PCGF5: variants seen among roughly 807,000 people sequenced by gnomAD.
PCGF5 encodes polycomb group RING finger protein 5.
PCGF5 carries 9 observed loss-of-function variants against 44.3 expected under a neutral mutation model. The observed-to-expected ratio is 0.20, with a 90% CI of 0.12 to 0.35. The LOEUF is 0.35. Ranked by LOEUF, PCGF5 falls within the 10% of genes least tolerant of loss-of-function variation. The pLI is 1.00. For missense variants in PCGF5, 146 were observed against 305.3 expected (o/e 0.48, Z 3.89); for synonymous variants, 95 against 102.5 (o/e 0.93, Z 0.44).
rs970807676 is a variant in PCGF5, at chr10:91,173,881, C to A, written c.-184+10800C>A. 1.3e-5 allele frequency among the ~76,000 whole-genome samples: 2 copies of A among 151,870 alleles called. 1 individual carries two copies. The highest frequency in any genetic ancestry group is 4.2e-4 in the South Asian group (2 of 4,812). Reference sequence around the variant, plus strand: ...GATACTCATATGTCAGAAAAGTCCTCATGCTTGATTATTTGTTAAAAGTTC... The same window carrying A: ...GATACTCATATGTCAGAAAAGTCCTAATGCTTGATTATTTGTTAAAAGTTC... On this transcript the variant is annotated intron_variant, in intron 1 of 9. Transcript: ENST00000614189.
rs140935489 is a variant in PCGF5 at position 91,263,442 on chromosome 10, C to CA, written c.574-987dup. Among the ~76,000 whole-genome samples the CA allele has an allele frequency of 3.2e-3, 490 of 152,220 alleles. 14 individuals carry two copies. The East Asian group carries it at 0.064, about 20-fold the overall frequency. ...ATAATTTTGCTTCACATGTCTAATA[C>CA]AATTAACTGAAACTATACTCATCTT... On this transcript the variant is annotated intron_variant, in intron 7 of 9. Coordinates refer to ENST00000336126, the MANE Select transcript of PCGF5 (RefSeq NM_032373.5).
chr10:91,168,055 T>G (rs1032371306), intron 1 of PCGF5, among the ~76,000 whole-genome samples: 1 of 152,150 alleles, frequency 6.6e-6, no homozygotes, highest in Non-Finnish European at 1.5e-5. Flanking sequence ...TTTGTCTAAT[T>G]AATGGAGGTG....
At chr10:91,193,374 G>T (rs1207437726) in intron 1 of PCGF5, among the ~76,000 whole-genome samples, 1 of 140,250 alleles carries the variant, frequency 7.1e-6, no homozygotes, top group Non-Finnish European at 1.5e-5. Flanking sequence ...TGCTAAGTGG[G>T]TATTGTTTTT....
chr10:91,158,828 A>G (rs986523000), upstream of PCGF5, among the ~76,000 whole-genome samples: 3 of 152,222 alleles, frequency 2.0e-5, no homozygotes, highest in African/African-American at 7.2e-5. Context: ...GATAATTTGA[A>G]TATCTTTAAC....
chr10:91,221,501 G>A (rs1336006949), intron 1 of PCGF5, among the ~76,000 whole-genome samples: 2 of 152,174 alleles, frequency 1.3e-5, no homozygotes, highest in East Asian at 3.8e-4. Flanking sequence ...TTACACGCAC[G>A]AATACGGTTT....
intron 2 of PCGF5, among the ~76,000 whole-genome samples, chr10:91,230,170 G>A (rs775530160): frequency 5.9e-5 from 9 of 152,170 alleles, no homozygotes; most frequent in Admixed American, 5.2e-4. Flanking sequence ...GACAACAGAC[G>A]TAAAAGAGTG....
intron 7 of PCGF5, among the ~76,000 whole-genome samples, chr10:91,263,191 AT>A (rs1400343175): frequency 6.6e-6 from 1 of 152,220 alleles, no homozygotes; most frequent in Non-Finnish European, 1.5e-5. Context: ...TTGTAACAGC[AT>A]TGCTAACTGG....
chr10:91,238,581 ATTTCTTTC>A (rs1213535596), intron 2 of PCGF5, among the ~76,000 whole-genome samples: 1 of 73,212 alleles, frequency 1.4e-5, no homozygotes, highest in Non-Finnish European at 2.6e-5. Context: ...CTCCACTCTC[ATTTCTTTC>A]TTTCTTTCTT....
chr10:91,171,653 G>A (rs1265417192), intron 1 of PCGF5, among the ~76,000 whole-genome samples: 1 of 152,150 alleles, frequency 6.6e-6, no homozygotes, highest in Non-Finnish European at 1.5e-5. Flanking sequence ...TGAGATTAGA[G>A]TGTGTAATGG....
chr10:91,271,094 A>C (rs1242104240), intron 8 of PCGF5, among the ~76,000 whole-genome samples: 1 of 151,046 alleles, frequency 6.6e-6, no homozygotes, highest in African/African-American at 2.4e-5. Flanking sequence ...TAAAATATAG[A>C]TCTAATGCTA....
rs1462398263 is a variant in PCGF5 at position 91,253,024 on chromosome 10, C to T, written c.474+1584C>T. Reference sequence around the variant, plus strand: ...TATAAATGACTTTTACTAAGCTACCCTGATTCTTCCTTTTTTTCCTGTGGC... The same window carrying T: ...TATAAATGACTTTTACTAAGCTACCTTGATTCTTCCTTTTTTTCCTGTGGC... On this transcript the variant is annotated intron_variant, in intron 6 of 9. Transcript: ENST00000336126. Among the ~76,000 whole-genome samples, 6 of 151,946 alleles carry T rather than the reference C, an allele frequency of 3.9e-5. No individual in the cohort carries two copies. In the East Asian group the frequency reaches 1.2e-3, roughly 30 times the overall value.
chr10:91,179,418 G>T (rs935106905), intron 1 of PCGF5, among the ~76,000 whole-genome samples: 4 of 152,136 alleles, frequency 2.6e-5, no homozygotes, highest in African/African-American at 9.7e-5. Context: ...GTGTCGTGGG[G>T]TTTGTTGTAC....
At chr10:91,159,886 T>G (rs1843358305), upstream of PCGF5, among the ~76,000 whole-genome samples, 1 of 152,220 alleles carries the variant, frequency 6.6e-6, no homozygotes, top group Non-Finnish European at 1.5e-5. Context: ...TTAAGTCTTT[T>G]GGGCTTCAGT....
intron 2 of PCGF5, among the ~76,000 whole-genome samples, chr10:91,233,430 A>G (rs1286491625): frequency 6.6e-6 from 1 of 152,210 alleles, no homozygotes; most frequent in African/African-American, 2.4e-5. Flanking sequence ...ATAAAAAAAA[A>G]TAAAGTGTTG....
the PCGF5 span, among the ~76,000 whole-genome samples, chr10:91,157,686 G>T: frequency 6.6e-6 from 1 of 152,218 alleles, no homozygotes; most frequent in East Asian, 1.9e-4. Flanking sequence ...GGATGGTGGT[G>T]ATTGGCATAA....
At chr10:91,266,529 T>C (rs10047356) in intron 8 of PCGF5, among the ~76,000 whole-genome samples, 19,864 of 152,174 alleles carry the variant, frequency 0.13, 2,435 homozygotes, top group African/African-American at 0.32. Flanking sequence ...AGCTATGGTT[T>C]ATCATTCAGG....
intron 1 of PCGF5, among the ~76,000 whole-genome samples, chr10:91,193,488 CAGAG>C (rs201966632): frequency 1.1e-4 from 17 of 151,748 alleles, no homozygotes; most frequent in South Asian, 6.2e-4. Context: ...GTGTTCTAGA[CAGAG>C]AGAACAGTGA....
intron 5 of PCGF5, among the ~76,000 whole-genome samples, chr10:91,249,791 A>T (rs1029648714): frequency 3.3e-5 from 5 of 152,054 alleles, no homozygotes; most frequent in African/African-American, 1.2e-4. Context: ...AACAACAACA[A>T]AAAAATGGCA....
chr10:91,203,456 GTTATAGTT>G (rs1334540235), intron 1 of PCGF5, among the ~76,000 whole-genome samples: 1 of 152,110 alleles, frequency 6.6e-6, no homozygotes, highest in Non-Finnish European at 1.5e-5. Context: ...AACCCCAAAG[GTTATAGTT>G]TTATTGCCCT....
Sources: allele counts gnomAD v4.1 joint callset (sites outside exome capture counted in the v4.1 genomes callset), GRCh38; gene constraint gnomAD v4.1.1; transcripts MANE v1.5; gene names NCBI Gene and HGNC (gene_info 2026-07-23, HGNC 2026-07-21).